The following MSS51 variants were observed in gnomAD, a reference collection of about 807,000 sequenced individuals.
MSS51 encodes the protein MSS51 mitochondrial translational activator.
MSS51 carries 32 observed loss-of-function variants against 40.2 expected under a neutral mutation model. That is an observed-to-expected ratio of 0.80 (90% CI 0.60 to 1.07). The LOEUF is 1.07. MSS51 is among the 50% of genes least tolerant of loss of function. The pLI, the probability that MSS51 is intolerant of heterozygous loss-of-function variation, is 0.00. For synonymous variants in MSS51, 178 were observed against 214.2 expected, an observed-to-expected ratio of 0.83 and a Z score of 1.48; for missense variants, 518 against 568.9, an observed-to-expected ratio of 0.91 and a Z score of 0.91.
At chr10:73,429,585 G>C (rs1273459817) in intron 1 of MSS51, 1 of 455,960 alleles carries the variant, frequency 2.2e-6, no homozygotes, top group Admixed American at 2.4e-5. Flanking sequence ...TCCTAAAGTG[G>C]TAAGTTTTGA....
intron 1 of MSS51, chr10:73,429,625 T>A: frequency 2.2e-6 from 1 of 456,722 alleles, no homozygotes; most frequent in South Asian, 1.5e-5. Context: ...TCAGTCACGA[T>A]CTGGCTGTGA....
chr10:73,428,696 A>T (rs986551612), intron 1 of MSS51, among the ~76,000 whole-genome samples: 2 of 151,772 alleles, frequency 1.3e-5, no homozygotes, highest in Non-Finnish European at 2.9e-5. Context: ...CATGTTGGTC[A>T]GGCTGGTCTC....
At chr10:73,431,634 T>C (rs1425734015) in intron 1 of MSS51, among the ~76,000 whole-genome samples, 1 of 152,228 alleles carries the variant, frequency 6.6e-6, no homozygotes, top group Non-Finnish European at 1.5e-5. Context: ...CTCAGGTTAA[T>C]GGAGGAACAA....
Position 73,423,987 on chromosome 10 carries a change from G to T in MSS51, c.*566C>A, listed in dbSNP as rs751536296. 6.6e-6 allele frequency: 1 copy of T among 152,606 alleles called. No individual in the cohort carries two copies. Among genetic ancestry groups the T allele is most frequent in the African/African-American group, 2.4e-5 (1 of 41,456 alleles). 9.5% of individuals were successfully genotyped at this position (152,606 alleles called of 1,614,324 possible). On this transcript the variant is annotated 3_prime_UTR_variant, in exon 7 of 7. Transcript: ENST00000299432. ...AACTTCTTTACAAAGAAAAGTGTTA[G>T]CAACTATAAGCTCTGGAAAGACCAG... is the stretch of plus-strand genomic sequence containing the variant.
chr10:73,425,267 G>A, intron 5 of MSS51, 76 bp from the exon 6 acceptor site: 1 of 885,512 alleles, frequency 1.1e-6, no homozygotes, highest in Non-Finnish European at 1.8e-6. Context: ...CTTTGACTGT[G>A]AGCACCCCAC....
intron 2 of MSS51, 97 bp from the exon 3 acceptor site, chr10:73,427,865 C>T: frequency 7.2e-7 from 1 of 1,387,418 alleles, no homozygotes; most frequent in South Asian, 1.4e-5. Flanking sequence ...TTTCCACTTA[C>T]TCCTATGTCT....
Position 73,428,290 on chromosome 10 carries a change from G to A in MSS51, c.-6C>T. 3 of 1,602,772 alleles carry A rather than the reference G, an allele frequency of 1.9e-6. No homozygotes were observed. Among genetic ancestry groups the A allele is most frequent in the Non-Finnish European group, 2.6e-6 (3 of 1,173,814 alleles). On this transcript the variant is annotated 5_prime_UTR_variant, in exon 2 of 7. Coordinates refer to ENST00000299432, the MANE Select transcript of MSS51 (RefSeq NM_001024593.2). ...CGCCGGGACCGTGGAGCCATGGCCT[G>A]TCCAGTGATACCTGGAGATTATATG...
In MSS51 at chr10:73,433,526, C is replaced by A. The variant is rs934870424; in HGVS notation, c.-31G>T. 1.3e-5 allele frequency: 2 copies of A among 152,206 alleles called. No homozygotes were observed. The highest frequency in any genetic ancestry group is 2.9e-5 in the Non-Finnish European group (2 of 68,060). 9.4% of individuals were successfully genotyped at this position (152,206 alleles called of 1,614,324 possible). A position where few individuals can be genotyped will look rare whatever the true frequency, so the allele number is the denominator to read the frequency against. On this transcript the variant is annotated 5_prime_UTR_variant, in exon 1 of 7. Coordinates refer to ENST00000299432, the MANE Select transcript of MSS51 (RefSeq NM_001024593.2). ...AAAAAAACTTACCCTGCTAAGTCCT[C>A]AGCTTCCTTCCTTCTCTCTTTCCTC... is the stretch of plus-strand genomic sequence containing the variant.
At position 73,427,696 on chromosome 10, in the gene MSS51, C is replaced by T. The variant is rs1564541706; in HGVS notation, c.294G>A (p.Met98Ile). ...GAGCACAGAATCGAAATGTGTCTTCCATCCTCTGGAACATTTCTTGAGGAC... is the reference window on the plus strand; with the variant it reads ...GAGCACAGAATCGAAATGTGTCTTCTATCCTCTGGAACATTTCTTGAGGAC... ...FRCPQEMFQR[M>I]EDTFRFCAHC... Residue 98 changes from methionine to isoleucine, a missense_variant, in exon 3 of 7, where the codon ATG becomes ATA. By Grantham distance (10) the Met-to-Ile change is conservative. Transcript: ENST00000299432. 5.6e-6 allele frequency: 9 copies of T among 1,614,206 alleles called. No individual in the cohort carries two copies. The highest frequency in any genetic ancestry group is 7.6e-6 in the Non-Finnish European group (9 of 1,180,024).
chr10:73,426,749 A>C lies in MSS51; in HGVS notation c.378-18T>G, dbSNP rs1328709379. Reference sequence around the variant, plus strand: ...TTCTGCACCTGAGAGAATGAGAGAGAAATAGTTCTTATACTATAAATATGA... The same window carrying C: ...TTCTGCACCTGAGAGAATGAGAGAGCAATAGTTCTTATACTATAAATATGA... On this transcript the variant is annotated intron_variant, in intron 3 of 6. Transcript: ENST00000299432. 3.1e-6 allele frequency: 5 copies of C among 1,613,390 alleles called. No individual in the cohort carries two copies. Among genetic ancestry groups the C allele is most frequent in the South Asian group, 1.1e-5 (1 of 91,024 alleles).
rs1026559041 is a variant in MSS51, at chr10:73,423,782, T to C, written c.*771A>G. On this transcript the variant is annotated 3_prime_UTR_variant, in exon 7 of 7. Transcript: ENST00000299432. ...AGGAAACAGGACACTGTACCAATGC[T>C]TACAACCTCATCCATGTTCCCAATG... is the stretch of plus-strand genomic sequence containing the variant. The C allele has an allele frequency of 6.6e-6, 1 of 152,240 alleles. No homozygotes were observed. The highest frequency in any genetic ancestry group is 1.5e-5 in the Non-Finnish European group (1 of 68,054). 9.4% of individuals were successfully genotyped at this position (152,240 alleles called of 1,614,324 possible). A position where few individuals can be genotyped will look rare whatever the true frequency, so the allele number is the denominator to read the frequency against.
Position 73,426,178 on chromosome 10 carries a change from C to A in MSS51, c.702G>T (p.Arg234=). The A allele has an allele frequency of 6.2e-7, 1 of 1,614,224 alleles. No individual in the cohort carries two copies. The highest frequency in any genetic ancestry group is 8.5e-7 in the Non-Finnish European group (1 of 1,180,044). ...GCCGTGACAGGACATCTGTCAGCAG[C>A]CGCTTCAAAGATCCCTGCAGGACAT... The part of the protein sequence containing the change: ...DPDVLQGSLK[R]LLTDVLSRPL... Residue 234 remains arginine (R), a synonymous_variant, in exon 5 of 7, where the codon CGG becomes CGT. Coordinates refer to ENST00000299432, the MANE Select transcript of MSS51 (RefSeq NM_001024593.2).
At chr10:73,430,667 G>A (rs1263172681) in intron 1 of MSS51, among the ~76,000 whole-genome samples, 2 of 151,434 alleles carry the variant, frequency 1.3e-5, no homozygotes, top group African/African-American at 4.8e-5. Flanking sequence ...GTACACTGCA[G>A]GTGAGAATGT....
chr10:73,433,357 A>AG (rs1491351125), intron 1 of MSS51, among the ~76,000 whole-genome samples, 156 bp downstream of exon 1: 1 of 152,174 alleles, frequency 6.6e-6, no homozygotes, highest in African/African-American at 2.4e-5. Context: ...GATCCTTATA[A>AG]GGGGGTAGGA....
At chr10:73,428,395 C>G (rs2056005935) in intron 1 of MSS51, 94 bp from the exon 2 acceptor site, 2 of 969,134 alleles carry the variant, frequency 2.1e-6, no homozygotes, top group Non-Finnish European at 3.0e-6. Flanking sequence ...ATTTCTCATT[C>G]CAGTCTCTCA....
intron 2 of MSS51, 62 bp from the exon 3 acceptor site, chr10:73,427,830 TG>T: frequency 6.4e-7 from 1 of 1,571,092 alleles, no homozygotes; most frequent in Middle Eastern, 1.7e-4. Context: ...AAATCTCTCA[TG>T]CCCCCCATCT....
At chr10:73,427,907 GTTTCTTCT>G in intron 2 of MSS51, 139 bp from the exon 3 acceptor site, 1 of 1,226,320 alleles carries the variant, frequency 8.2e-7, no homozygotes. Context: ...TTAAGTGAAT[GTTTCTTCT>G]TTTATAGTAA....
At position 73,426,254 on chromosome 10, in the gene MSS51, T is replaced by C. The variant is rs753357748; in HGVS notation, c.626A>G (p.His209Arg). The C allele has an allele frequency of 6.2e-7, 1 of 1,613,344 alleles. No homozygotes were observed. The highest frequency in any genetic ancestry group is 8.5e-7 in the Non-Finnish European group (1 of 1,180,032). ...DATLDAVLVS[H>R]AVTTLWASVG... ...ACTGGCCCATAAGGTGGTCACAGCATGACTAACTAGCACAGCATCCAATGT... is the reference window on the plus strand; with the variant it reads ...ACTGGCCCATAAGGTGGTCACAGCACGACTAACTAGCACAGCATCCAATGT... Residue 209 changes from histidine (H) to arginine (R), a missense_variant, in exon 5 of 7, where the codon CAT (histidine) becomes CGT (arginine). Coordinates refer to ENST00000299432, the MANE Select transcript of MSS51 (RefSeq NM_001024593.2).
chr10:73,432,186 G>A (rs1473907167), intron 1 of MSS51, among the ~76,000 whole-genome samples: 12 of 151,854 alleles, frequency 7.9e-5, no homozygotes, highest in Admixed American at 6.6e-4. Flanking sequence ...TTACAGGCTC[G>A]CGCCACCATG....
Sources: allele counts gnomAD v4.1 joint callset (sites outside exome capture counted in the v4.1 genomes callset), GRCh38; gene constraint gnomAD v4.1.1; transcripts MANE v1.5; gene names NCBI Gene and HGNC (gene_info 2026-07-23, HGNC 2026-07-21).